The following TRIP11 variants were observed in gnomAD, a reference collection of about 807,000 sequenced individuals.
TRIP11 encodes thyroid receptor-interacting protein 11.
TRIP11 carries 148 observed loss-of-function variants against 223.1 expected under a neutral mutation model. That is an observed-to-expected ratio of 0.66 (90% CI 0.58 to 0.76). The LOEUF is 0.76. Among genes scored for constraint, TRIP11 ranks in the 30% least tolerant of loss-of-function variants. The probability of loss-of-function intolerance (pLI) is 0.00; values close to 1 mark genes in which losing one functional copy is unlikely to be tolerated. For missense variants in TRIP11, 2,043 were observed against 2,222.0 expected, an observed-to-expected ratio of 0.92 and a Z score of 1.62; for synonymous variants, 762 against 772.6, an observed-to-expected ratio of 0.99 and a Z score of 0.23.
intron 13 of TRIP11, among the ~76,000 whole-genome samples, chr14:91,997,402 G>A (rs2056764584): frequency 6.6e-6 from 1 of 152,034 alleles, no homozygotes; most frequent in South Asian, 2.1e-4. Context: ...AGGCAGTATA[G>A]GACACGTCGA....
intron 18 of TRIP11, 41 bp downstream of exon 18, chr14:91,975,131 G>T: frequency 6.5e-7 from 1 of 1,529,070 alleles, no homozygotes; most frequent in Non-Finnish European, 9.1e-7. Context: ...GCCACTATCT[G>T]GATTATGAAT....
intron 14 of TRIP11, 138 bp downstream of exon 14, chr14:91,995,214 G>A: frequency 2.2e-6 from 2 of 890,428 alleles, no homozygotes; most frequent in Non-Finnish European, 3.5e-6. Context: ...ACTTTTTGAT[G>A]GCTACTCACC....
rs771601603 is a variant in TRIP11 at position 92,004,871 on chromosome 14, T to A, written c.3105A>T (p.Leu1035=). The A allele has an allele frequency of 1.9e-6, 3 of 1,613,736 alleles. No individual in the cohort carries two copies. The South Asian group carries it at 3.3e-5, about 18-fold the overall frequency. The stretch of plus-strand genomic sequence containing the variant: ...TAGTTAAAGATATATTCTTTTCATT[T>A]AGAAGTTTAATCTCCAGTTCTCGCT... ...IKERELEIKL[L]NEKNISLTKQ... is the part of the protein sequence containing the mutation. Residue 1035 remains leucine, a synonymous_variant, in exon 11 of 21, where the codon CTA becomes CTT. Coordinates refer to ENST00000267622, the MANE Select transcript of TRIP11 (RefSeq NM_004239.4).
intron 16 of TRIP11, 63 bp from the exon 17 acceptor site, chr14:91,976,252 T>A: frequency 7.3e-7 from 1 of 1,369,618 alleles, no homozygotes; most frequent in South Asian, 1.2e-5. Context: ...GATGACTATA[T>A]AATGAAATTT....
intron 16 of TRIP11, among the ~76,000 whole-genome samples, chr14:91,984,833 G>A (rs2056585589): frequency 6.6e-6 from 1 of 152,154 alleles, no homozygotes; most frequent in African/African-American, 2.4e-5. Context: ...TGCTTCATAG[G>A]CCACTCTACT....
At chr14:92,024,603 C>A (rs974441013) in intron 3 of TRIP11, among the ~76,000 whole-genome samples, 6 of 152,142 alleles carry the variant, frequency 3.9e-5, no homozygotes, top group African/African-American at 1.2e-4. Flanking sequence ...GAAAGCATGA[C>A]ACCTAAATTT....
At chr14:92,006,513 T>C in intron 10 of TRIP11, 65 bp from the exon 11 acceptor site, 1 of 1,517,040 alleles carries the variant, frequency 6.6e-7, no homozygotes, top group Non-Finnish European at 9.0e-7. Flanking sequence ...AAGAAAATTT[T>C]ATAAAATCTC....
chr14:92,007,803 A>C lies in TRIP11; in HGVS notation c.1364T>G (p.Ile455Ser), dbSNP rs752487106. Residue 455 changes from isoleucine (I) to serine (S), a missense_variant, in exon 10 of 21, where the codon ATT becomes AGT. By Grantham distance (142) the Ile-to-Ser change is moderately radical. Coordinates refer to ENST00000267622, the MANE Select transcript of TRIP11 (RefSeq NM_004239.4). ...TATGTCTCTTGTAGCTGTACTTTTAATTACTTCATATTCATTGTTCAATTT... is the reference window on the plus strand; with the variant it reads ...TATGTCTCTTGTAGCTGTACTTTTACTTACTTCATATTCATTGTTCAATTT... ...LLKLNNEYEV[I>S]KSTATRDISL... 18 of 1,613,214 alleles carry C rather than the reference A, an allele frequency of 1.1e-5. No individual in the cohort carries two copies. Among genetic ancestry groups the C allele is most frequent in the Non-Finnish European group, 1.4e-5 (16 of 1,179,758 alleles).
chr14:91,985,900 G>A lies in TRIP11; in HGVS notation c.5260+2384C>T, dbSNP rs571593694. ...TTTACATTATCAAATCAAGAGTGCA[G>A]CTTTGAGAAAATAAAATTGCATTTG... is the stretch of plus-strand genomic sequence containing the variant. On this transcript the variant is annotated intron_variant, in intron 16 of 20. Transcript: ENST00000267622. Among the ~76,000 whole-genome samples the A allele has an allele frequency of 5.9e-5, 9 of 152,292 alleles. 1 individual carries two copies. In the Middle Eastern group the frequency reaches 0.017, roughly 288 times the overall value.
intron 2 of TRIP11, 83 bp from the exon 3 acceptor site, chr14:92,025,503 C>G (rs1566872467): frequency 2.2e-6 from 2 of 891,324 alleles, no homozygotes; most frequent in Non-Finnish European, 3.5e-6. Context: ...GAAAAACGTA[C>G]TGCTTTCCCC....
chr14:92,034,008 A>G (rs1018181729), intron 1 of TRIP11, among the ~76,000 whole-genome samples: 3 of 152,110 alleles, frequency 2.0e-5, no homozygotes, highest in African/African-American at 4.8e-5. Flanking sequence ...GTTACCCAAG[A>G]GACTTTACCC....
chr14:91,999,904 C>T, intron 12 of TRIP11, 64 bp downstream of exon 12: 6 of 1,595,848 alleles, frequency 3.8e-6, no homozygotes, highest in Non-Finnish European at 5.1e-6. Flanking sequence ...ATCACCTTTC[C>T]AGTTCTCTTA....
chr14:92,000,864 CTTTTTTT>C (rs528664948), intron 11 of TRIP11, among the ~76,000 whole-genome samples: 1 of 141,652 alleles, frequency 7.1e-6, no homozygotes, highest in Non-Finnish European at 1.5e-5. Context: ...CTTTTTTTTT[CTTTTTTT>C]TTTTTTTGAG....
At chr14:92,019,546 T>C (rs1189825324) in intron 4 of TRIP11, among the ~76,000 whole-genome samples, 1 of 152,162 alleles carries the variant, frequency 6.6e-6, no homozygotes, top group Admixed American at 6.5e-5. Context: ...AGTGGGAAGA[T>C]TTCTCCTTTA....
chr14:92,013,470 C>T (rs2056998120), intron 7 of TRIP11, among the ~76,000 whole-genome samples: 2 of 152,120 alleles, frequency 1.3e-5, no homozygotes, highest in Non-Finnish European at 2.9e-5. Flanking sequence ...TGATAGAGCT[C>T]GATTCCAACC....
Position 91,967,896 on chromosome 14 carries a change from AGAG to A in TRIP11, c.*1774_*1776del, listed in dbSNP as rs1566839815. On this transcript the variant is annotated 3_prime_UTR_variant, in exon 21 of 21. Coordinates refer to ENST00000267622, the MANE Select transcript of TRIP11 (RefSeq NM_004239.4). ...GAGAAATAATAATAGGCAAAAACCA[AGAG>A]GCAGTTTGACAGTTCTAATATAGAA... is the stretch of plus-strand genomic sequence containing the variant. 1.0e-5 allele frequency: 2 copies of A among 200,962 alleles called. No homozygotes were observed. The highest frequency in any genetic ancestry group is 4.6e-5 in the African/African-American group (2 of 43,522). 12.4% of individuals were successfully genotyped at this position (200,962 alleles called of 1,614,324 possible). A position where few individuals can be genotyped will look rare whatever the true frequency, so the allele number is the denominator to read the frequency against.
chr14:92,030,408 TGA>T (rs1239989628), intron 2 of TRIP11: 1 of 151,956 alleles, frequency 6.6e-6, no homozygotes, highest in Non-Finnish European at 1.5e-5. Flanking sequence ...TTATTTTTTT[TGA>T]GAGTCTCGCT....
intron 14 of TRIP11, among the ~76,000 whole-genome samples, chr14:91,995,121 G>C (rs1364944620): frequency 1.3e-5 from 2 of 151,780 alleles, no homozygotes; most frequent in African/African-American, 4.8e-5. Flanking sequence ...TCTCTCACTG[G>C]TAATAGGATA....
At chr14:91,985,323 T>C (rs1192191180) in intron 16 of TRIP11, among the ~76,000 whole-genome samples, 1 of 152,186 alleles carries the variant, frequency 6.6e-6, no homozygotes, top group Non-Finnish European at 1.5e-5. Context: ...TGGTTCTCAT[T>C]AAATATTTAG....
Sources: gnomAD v4.1 joint callset for allele counts (sites outside exome capture counted in the v4.1 genomes callset) on GRCh38, gnomAD v4.1.1 for gene constraint, MANE v1.5 for transcripts, NCBI Gene and HGNC (gene_info 2026-07-23, HGNC 2026-07-21) for gene names.